AGTRAP: variants seen among roughly 807,000 people sequenced by gnomAD.
AGTRAP encodes angiotensin II receptor associated protein, also known as type-1 angiotensin II receptor-associated protein.
Under a neutral mutation model 15.2 loss-of-function variants are expected in AGTRAP, and 7 were observed. The ratio of observed to expected loss-of-function variants is 0.46; its 90% CI spans 0.26 to 0.87. AGTRAP has a LOEUF of 0.87. AGTRAP is among the 40% of genes least tolerant of loss of function. The pLI is 0.15. For missense variants in AGTRAP, 187 were observed against 213.4 expected (o/e 0.88, Z 0.77); for synonymous variants, 74 against 89.6 (o/e 0.83, Z 0.98).
chr1:11,736,657 A>T (rs911930503), intron 1 of AGTRAP, among the ~76,000 whole-genome samples: 1 of 152,242 alleles, frequency 6.6e-6, no homozygotes, highest in African/African-American at 2.4e-5. Context: ...GCACCGTTTC[A>T]GGAGCCTCCT....
At chr1:11,747,685 A>T in intron 3 of AGTRAP, 140 bp downstream of exon 3, 1 of 889,718 alleles carries the variant, frequency 1.1e-6, no homozygotes, top group East Asian at 2.6e-5. Flanking sequence ...AAGCCTGTTC[A>T]TCAGCCTCCT....
intron 3 of AGTRAP, among the ~76,000 whole-genome samples, chr1:11,747,840 C>A (rs1223356165): frequency 6.6e-6 from 1 of 152,242 alleles, no homozygotes; most frequent in Admixed American, 6.5e-5. Context: ...TTCGCAAGAG[C>A]AGTGGAACAT....
chr1:11,736,343 A>AG lies in AGTRAP; in HGVS notation c.27+111dup, dbSNP rs548010566. ...GGAGTTTTGGGGAAAGAGGGATGGT[A>AG]GGGAGGAAGGGAAGGTACAGACCCC... On this transcript the variant is annotated intron_variant, in intron 1 of 4. Transcript: ENST00000314340. 1.8e-3 allele frequency: 2,685 copies of AG among 1,458,586 alleles called. 3 individuals are homozygous for AG. The highest frequency in any genetic ancestry group is 2.3e-3 in the Non-Finnish European group (2,468 of 1,069,034). The allele number at this position is 1,458,586 out of a possible 1,614,324, so 90.4% of individuals were successfully genotyped here.
intron 1 of AGTRAP, among the ~76,000 whole-genome samples, chr1:11,739,542 A>G (rs1225854745): frequency 1.3e-5 from 2 of 152,082 alleles, no homozygotes; most frequent in African/African-American, 4.8e-5. Flanking sequence ...ACAGAGCAAG[A>G]CTCTGTCTCA....
chr1:11,744,527 C>A (rs960329556), intron 1 of AGTRAP: 9 of 716,064 alleles, frequency 1.3e-5, no homozygotes, highest in Non-Finnish European at 2.3e-5. Context: ...CCTCTGCCCC[C>A]CACAGTGCGC....
chr1:11,742,661 G>T (rs994441060), intron 1 of AGTRAP, among the ~76,000 whole-genome samples: 1 of 152,084 alleles, frequency 6.6e-6, no homozygotes, highest in African/African-American at 2.4e-5. Context: ...CTCCCAGGTA[G>T]CTGGGGCTAT....
rs1642142703 is a variant in AGTRAP at position 11,745,640 on chromosome 1, C to T, written c.28-163C>T. 2.0e-5 allele frequency among the ~76,000 whole-genome samples: 3 copies of T among 152,226 alleles called. No homozygotes were observed. In the South Asian group the frequency reaches 6.2e-4, roughly 32 times the overall value. ...CCTGCTTTCTTCCTCCTCCTTCACT[C>T]CTGGGCCACCTGCAGTTGCTGGTGT... On this transcript the variant is annotated intron_variant, in intron 1 of 4. Transcript: ENST00000314340. The surrounding 1 kb of genome is among the most constrained non-coding windows in gnomAD (Gnocchi z 4.2).
At chr1:11,742,127 C>T (rs948961658) in intron 1 of AGTRAP, among the ~76,000 whole-genome samples, 3 of 152,226 alleles carry the variant, frequency 2.0e-5, no homozygotes, top group Non-Finnish European at 2.9e-5. Flanking sequence ...GCGCCCCCAG[C>T]GGGGAGGTTG....
In AGTRAP at chr1:11,750,222, C is replaced by G. The variant is rs764096530; in HGVS notation, c.*30C>G. The G allele has an allele frequency of 6.3e-7, 1 of 1,580,054 alleles. No homozygotes were observed. Among genetic ancestry groups the G allele is most frequent in the South Asian group, 1.1e-5 (1 of 89,886 alleles). Reference sequence around the variant, plus strand: ...AGCCACGCTGCGCCCGGCCCTGCCCCGGGCCTTCCTCGTGCCTGGGAGGTC... The same window carrying G: ...AGCCACGCTGCGCCCGGCCCTGCCCGGGGCCTTCCTCGTGCCTGGGAGGTC... On this transcript the variant is annotated 3_prime_UTR_variant, in exon 5 of 5. Transcript: ENST00000314340.
intron 1 of AGTRAP, among the ~76,000 whole-genome samples, chr1:11,741,043 G>A (rs934472180): frequency 7.2e-5 from 11 of 151,946 alleles, no homozygotes; most frequent in Non-Finnish European, 1.5e-5. Flanking sequence ...CTCATGCCCA[G>A]CCCTGCCTGC....
chr1:11,747,842 G>A (rs943814684), intron 3 of AGTRAP, among the ~76,000 whole-genome samples: 5 of 152,242 alleles, frequency 3.3e-5, no homozygotes, highest in African/African-American at 1.2e-4. Flanking sequence ...CGCAAGAGCA[G>A]TGGAACATCC....
intron 1 of AGTRAP, among the ~76,000 whole-genome samples, chr1:11,740,938 T>C (rs1401941496): frequency 6.6e-6 from 1 of 152,154 alleles, no homozygotes; most frequent in Non-Finnish European, 1.5e-5. Context: ...CTCTGCGGTG[T>C]GGCCCTGAGC....
chr1:11,745,671 T>C lies in AGTRAP; in HGVS notation c.28-132T>C. 1.0e-6 allele frequency: 1 copy of C among 975,288 alleles called. No homozygotes were observed. Among genetic ancestry groups the C allele is most frequent in the Non-Finnish European group, 1.6e-6 (1 of 612,938 alleles). 60.4% of individuals were successfully genotyped at this position (975,288 alleles called of 1,614,324 possible). ...CCACCTGCAGTTGCTGGTGTGCCTT[T>C]TCAACAGACATTACTGAGGCCCTCA... On this transcript the variant is annotated intron_variant, in intron 1 of 4. Transcript: ENST00000314340. The surrounding 1 kb of genome is among the most constrained non-coding windows in gnomAD (Gnocchi z 4.2).
At position 11,742,131 on chromosome 1, in the gene AGTRAP, G is replaced by A. The variant is rs557824109; in HGVS notation, c.28-3672G>A. On this transcript the variant is annotated intron_variant, in intron 1 of 4. Transcript: ENST00000314340. The stretch of plus-strand genomic sequence containing the variant: ...GCTGAAGGCCTGCGCCCCCAGCGGG[G>A]AGGTTGGGTGCACTGGTTTTGGAGG... 2.0e-5 allele frequency among the ~76,000 whole-genome samples: 3 copies of A among 152,364 alleles called. No homozygotes were observed. The East Asian group carries it at 5.8e-4, about 29-fold the overall frequency.
At position 11,745,297 on chromosome 1, in the gene AGTRAP, T is replaced by G; in HGVS notation, c.28-506T>G. ...AACTGTCATAGTGCTGGTGGGAGTG[T>G]AGCAGTGAGGACAACCAGAGGTTAC... On this transcript the variant is annotated intron_variant, in intron 1 of 4. Transcript: ENST00000314340. The surrounding 1 kb of genome is among the most constrained non-coding windows in gnomAD (Gnocchi z 4.2). 6.6e-6 allele frequency among the ~76,000 whole-genome samples: 1 copy of G among 152,222 alleles called. No homozygotes were observed. Among genetic ancestry groups the G allele is most frequent in the Non-Finnish European group, 1.5e-5 (1 of 68,030 alleles).
chr1:11,736,930 T>A (rs1258993422), intron 1 of AGTRAP, among the ~76,000 whole-genome samples: 1 of 152,126 alleles, frequency 6.6e-6, no homozygotes, highest in East Asian at 1.9e-4. Flanking sequence ...GCCGCCCACG[T>A]GTCTGGGCTC....
chr1:11,743,670 G>A (rs1001607951), intron 1 of AGTRAP, among the ~76,000 whole-genome samples: 1 of 151,104 alleles, frequency 6.6e-6, no homozygotes, highest in Admixed American at 6.6e-5. Flanking sequence ...GGGTTCAAGC[G>A]ATTCTCCTGC....
intron 3 of AGTRAP, 103 bp downstream of exon 3, chr1:11,747,648 C>T: frequency 2.5e-6 from 3 of 1,193,610 alleles, no homozygotes; most frequent in South Asian, 2.6e-5. Context: ...TCCCCCTCTT[C>T]CTTGGGCCAC....
At position 11,750,061 on chromosome 1, in the gene AGTRAP, G is replaced by C. The variant is rs1235670023; in HGVS notation, c.365-16G>C. On this transcript the variant is annotated splice_polypyrimidine_tract_variant and intron_variant, in intron 4 of 4. Coordinates refer to ENST00000314340, the MANE Select transcript of AGTRAP (RefSeq NM_020350.5). ...ACCCTTCATTTTTCTTTCCCACCAT[G>C]TCCCCTGTCACCTAGGTTTCCTTGG... 1 of 1,601,758 alleles carries C rather than the reference G, an allele frequency of 6.2e-7. No homozygotes were observed. The highest frequency in any genetic ancestry group is 1.7e-5 in the Admixed American group (1 of 59,848).
Sources: allele counts gnomAD v4.1 joint callset (sites outside exome capture counted in the v4.1 genomes callset), GRCh38; gene constraint gnomAD v4.1.1; non-coding constraint Gnocchi (gnomAD v3.1); transcripts MANE v1.5; gene names NCBI Gene and HGNC (gene_info 2026-07-23, HGNC 2026-07-21).